The following TMEM132D variants were observed in gnomAD, a reference collection of about 807,000 sequenced individuals.
TMEM132D encodes the protein mature OL transmembrane protein.
Under a neutral mutation model 62.3 loss-of-function variants are expected in TMEM132D, and 21 were observed. That is an observed-to-expected ratio of 0.34 (90% CI 0.24 to 0.49). The LOEUF (loss-of-function observed/expected upper bound fraction) is 0.49, where lower values mean the gene tolerates loss of function less well. Among genes scored for constraint, TMEM132D ranks in the 20% least tolerant of loss-of-function variants. The pLI is 0.99. For synonymous variants in TMEM132D, 621 were observed against 575.6 expected, an observed-to-expected ratio of 1.08 and a Z score of -1.13; for missense variants, 1,346 against 1,402.8, an observed-to-expected ratio of 0.96 and a Z score of 0.65.
In TMEM132D at chr12:129,444,267, A is replaced by G. The variant is rs1218074338; in HGVS notation, c.1115+86792T>C. Among the ~76,000 whole-genome samples, 7 of 152,218 alleles carry G rather than the reference A, an allele frequency of 4.6e-5. No individual in the cohort carries two copies. The South Asian group carries it at 8.3e-4, about 18-fold the overall frequency. On this transcript the variant is annotated intron_variant, in intron 3 of 8. Transcript: ENST00000422113. Reference sequence around the variant, plus strand: ...AAGCAAAAATTGACAAATGGGATCTATTAAACTAATAGATCTTCTGCACAA... The same window carrying G: ...AAGCAAAAATTGACAAATGGGATCTGTTAAACTAATAGATCTTCTGCACAA...
intron 1 of TMEM132D, among the ~76,000 whole-genome samples, chr12:129,893,127 G>A (rs1874983677): frequency 6.6e-6 from 1 of 151,922 alleles, no homozygotes; most frequent in Non-Finnish European, 1.5e-5. Context: ...CGCCTGCCTC[G>A]GCCTCCCAAA....
At chr12:129,156,423 T>C (rs1877247474) in intron 5 of TMEM132D, among the ~76,000 whole-genome samples, 1 of 152,066 alleles carries the variant, frequency 6.6e-6, no homozygotes, top group South Asian at 2.1e-4. Context: ...TCATGAGAAC[T>C]AACTCACTGT....
At chr12:129,742,454 T>C (rs527334683) in intron 1 of TMEM132D, among the ~76,000 whole-genome samples, 3 of 152,232 alleles carry the variant, frequency 2.0e-5, no homozygotes, top group Admixed American at 2.0e-4. Context: ...AGCCAAGCCA[T>C]TCATGAGGGA....
intron 1 of TMEM132D, among the ~76,000 whole-genome samples, chr12:129,721,504 G>T (rs2137244422): frequency 6.6e-6 from 1 of 152,268 alleles, no homozygotes; most frequent in South Asian, 2.1e-4. Context: ...CTTGAAACTA[G>T]CTCCCGGGGT....
intron 2 of TMEM132D, among the ~76,000 whole-genome samples, chr12:129,638,594 TTTTATATATATATAAATTCA>T (rs1879555169): frequency 1.5e-4 from 1 of 6,870 alleles, no homozygotes; most frequent in East Asian, 1.1e-3. Flanking sequence ...AAATATATAT[TTTTATATATATATAAATTCA>T]GCATATATAT....
chr12:129,776,331 G>A (rs1870921297), intron 1 of TMEM132D, among the ~76,000 whole-genome samples: 2 of 152,124 alleles, frequency 1.3e-5, no homozygotes, highest in African/African-American at 4.8e-5. Context: ...TGGGTTCTAA[G>A]GCCGACTGCT....
chr12:129,308,349 A>G (rs1368022991), intron 4 of TMEM132D, among the ~76,000 whole-genome samples: 1 of 152,186 alleles, frequency 6.6e-6, no homozygotes, highest in African/African-American at 2.4e-5. Context: ...AAACATCCAT[A>G]AAGTATCTGC....
chr12:129,598,829 C>G (rs1170914698), intron 2 of TMEM132D, among the ~76,000 whole-genome samples: 3 of 152,174 alleles, frequency 2.0e-5, no homozygotes, highest in Non-Finnish European at 4.4e-5. Context: ...GTATTTCCAC[C>G]TGTCCCTCAC....
At chr12:129,239,389 G>A (rs1455017794) in intron 4 of TMEM132D, among the ~76,000 whole-genome samples, 1 of 152,110 alleles carries the variant, frequency 6.6e-6, no homozygotes, top group East Asian at 1.9e-4. Context: ...ATTTGTAGAT[G>A]GTGTAAGGTA....
intron 4 of TMEM132D, among the ~76,000 whole-genome samples, chr12:129,231,374 G>GCAAAATATA (rs1879635326): frequency 6.6e-6 from 1 of 152,148 alleles, no homozygotes; most frequent in Non-Finnish European, 1.5e-5. Context: ...TCATTGGTGG[G>GCAAAATATA]TCCCTGTGCA....
intron 5 of TMEM132D, among the ~76,000 whole-genome samples, chr12:129,120,746 A>G (rs576123246): frequency 1.3e-5 from 2 of 152,200 alleles, no homozygotes; most frequent in Non-Finnish European, 2.9e-5. Flanking sequence ...AATTGTCAAC[A>G]TTAGGAAGAT....
At chr12:129,657,862 G>A (rs1466276442) in intron 2 of TMEM132D, among the ~76,000 whole-genome samples, 4 of 152,178 alleles carry the variant, frequency 2.6e-5, no homozygotes, top group East Asian at 1.9e-4. Context: ...AAGGAGGCTG[G>A]TACCTGCATT....
chr12:129,829,084 A>G (rs1395357964), intron 1 of TMEM132D, among the ~76,000 whole-genome samples: 4 of 152,068 alleles, frequency 2.6e-5, no homozygotes, highest in Non-Finnish European at 5.9e-5. Context: ...TGTGAGACAA[A>G]CAAGCCCAAA....
At chr12:129,892,172 C>T (rs1470654126) in intron 1 of TMEM132D, among the ~76,000 whole-genome samples, 1 of 152,180 alleles carries the variant, frequency 6.6e-6, no homozygotes, top group African/African-American at 2.4e-5. Flanking sequence ...CAAAGCTAAA[C>T]AGGTGGCCAC....
intron 5 of TMEM132D, among the ~76,000 whole-genome samples, chr12:129,126,436 A>T (rs1343015159): frequency 6.6e-6 from 1 of 151,298 alleles, no homozygotes; most frequent in Non-Finnish European, 1.5e-5. Context: ...AAGTACATAT[A>T]AGGGAGAGAA....
intron 3 of TMEM132D, among the ~76,000 whole-genome samples, chr12:129,418,184 C>T (rs917046822): frequency 5.3e-5 from 8 of 152,134 alleles, no homozygotes; most frequent in African/African-American, 1.9e-4. Context: ...CCAGAGATAC[C>T]ATTTGACTTG....
intron 4 of TMEM132D, among the ~76,000 whole-genome samples, chr12:129,331,098 C>A (rs1869088373): frequency 6.6e-6 from 1 of 152,146 alleles, no homozygotes; most frequent in Admixed American, 6.6e-5. Flanking sequence ...TCAAGGAAGA[C>A]CCTGTGGTGG....
At chr12:129,336,883 C>T (rs1472378746) in intron 4 of TMEM132D, among the ~76,000 whole-genome samples, 1 of 152,192 alleles carries the variant, frequency 6.6e-6, no homozygotes, top group Non-Finnish European at 1.5e-5. Flanking sequence ...CAAATTCAAA[C>T]CACTACTTGC....
intron 5 of TMEM132D, among the ~76,000 whole-genome samples, chr12:129,103,760 G>C (rs1317660376): frequency 1.3e-5 from 2 of 152,066 alleles, no homozygotes; most frequent in Non-Finnish European, 2.9e-5. Flanking sequence ...GACAAACAGA[G>C]AGCCAAATCA....
Sources: allele counts gnomAD v4.1 joint callset (sites outside exome capture counted in the v4.1 genomes callset), GRCh38; gene constraint gnomAD v4.1.1; transcripts MANE v1.5; gene names NCBI Gene and HGNC (gene_info 2026-07-23, HGNC 2026-07-21).